AFTPH: variants seen among roughly 807,000 people sequenced by gnomAD.
The protein encoded by AFTPH is aftiphilin.
In AFTPH, 7 loss-of-function variants were observed where a neutral mutation model predicts 72.5. That is an observed-to-expected ratio of 0.10 (90% CI 0.05 to 0.18). The LOEUF (loss-of-function observed/expected upper bound fraction) is 0.18, where lower values mean the gene tolerates loss of function less well. Among genes scored for constraint, AFTPH ranks in the 10% least tolerant of loss-of-function variants. The pLI is 1.00. For missense variants in AFTPH, 979 were observed against 1,060.5 expected, an observed-to-expected ratio of 0.92 and a Z score of 1.07; for synonymous variants, 337 against 370.1, an observed-to-expected ratio of 0.91 and a Z score of 1.03.
chr2:64,575,543 G>A (rs1014449702), intron 6 of AFTPH, among the ~76,000 whole-genome samples: 7 of 151,950 alleles, frequency 4.6e-5, no homozygotes, highest in Admixed American at 6.6e-5. Context: ...CTTGAGCTCA[G>A]AAGCTTGAGG....
rs11395165 is a variant in AFTPH, at chr2:64,583,316, T to TAAAA, written c.2456-2095_2456-2092dup. Among the ~76,000 whole-genome samples the TAAAA allele has an allele frequency of 1.5e-3, 209 of 141,932 alleles. 1 individual carries two copies. The highest frequency in any genetic ancestry group is 3.6e-3 in the Middle Eastern group (1 of 280). The allele number at this position is 141,932 out of a possible 152,430, so 93.1% of individuals were successfully genotyped here. On this transcript the variant is annotated intron_variant, in intron 7 of 8. Coordinates refer to ENST00000238856, the Ensembl canonical transcript of AFTPH. ...AAACCATGCCTCATTAAGGCTCTGT[T>TAAAA]AAAAAAAAAAAAAAGACCTTCCATT...
chr2:64,549,959 C>T (rs549993844), intron 1 of AFTPH, among the ~76,000 whole-genome samples: 4 of 152,176 alleles, frequency 2.6e-5, no homozygotes, highest in African/African-American at 9.6e-5. Context: ...TCTTCATCTT[C>T]GTGAAAAAAT....
chr2:64,590,217 G>C (rs1215100488), intron 8 of AFTPH, among the ~76,000 whole-genome samples: 2 of 152,152 alleles, frequency 1.3e-5, no homozygotes, highest in Non-Finnish European at 2.9e-5. Flanking sequence ...CTTATTAACA[G>C]TAGCTTATAT....
At chr2:64,536,421 A>T (rs1669886476) in intron 1 of AFTPH, among the ~76,000 whole-genome samples, 1 of 151,656 alleles carries the variant, frequency 6.6e-6, no homozygotes, top group South Asian at 2.1e-4. Context: ...AAAAAATTAG[A>T]TGGGCATGGT....
At chr2:64,537,987 A>G (rs1265693851) in intron 1 of AFTPH, among the ~76,000 whole-genome samples, 1 of 152,232 alleles carries the variant, frequency 6.6e-6, no homozygotes, top group Non-Finnish European at 1.5e-5. Context: ...TATACTTTAT[A>G]TTAAAACCTA....
chr2:64,574,464 T>C (rs905290457), intron 6 of AFTPH, among the ~76,000 whole-genome samples: 6 of 152,226 alleles, frequency 3.9e-5, no homozygotes, highest in African/African-American at 1.4e-4. Flanking sequence ...TCAAATTTAC[T>C]TGGCCACAGG....
chr2:64,528,027 A>C (rs1056023388), intron 1 of AFTPH, among the ~76,000 whole-genome samples: 1 of 152,232 alleles, frequency 6.6e-6, no homozygotes, highest in African/African-American at 2.4e-5. Context: ...ATAATGATTT[A>C]AGACTCCATC....
chr2:64,590,946 G>T (rs915792983), intron 8 of AFTPH, among the ~76,000 whole-genome samples: 6 of 152,272 alleles, frequency 3.9e-5, no homozygotes, highest in African/African-American at 1.4e-4. Context: ...AAGAATACCA[G>T]CTATCCTTTA....
intron 1 of AFTPH, among the ~76,000 whole-genome samples, chr2:64,541,092 A>G (rs1670224537): frequency 1.3e-5 from 2 of 152,024 alleles, no homozygotes; most frequent in African/African-American, 2.4e-5. Flanking sequence ...AACCTCTTTG[A>G]GCTTTTATTT....
intron 7 of AFTPH, among the ~76,000 whole-genome samples, chr2:64,583,314 G>GT (rs1366070550): frequency 2.1e-5 from 2 of 97,134 alleles, no homozygotes; most frequent in African/African-American, 8.3e-5. Context: ...TTAAGGCTCT[G>GT]TTAAAAAAAA....
At chr2:64,585,705 T>C (rs1417273118) in intron 8 of AFTPH, among the ~76,000 whole-genome samples, 160 bp downstream of exon 9, 2 of 152,196 alleles carry the variant, frequency 1.3e-5, no homozygotes, top group African/African-American at 4.8e-5. Flanking sequence ...TCAAATTATG[T>C]TTAATTATGA....
At chr2:64,554,023 G>A (rs1333827109) in intron 2 of AFTPH, among the ~76,000 whole-genome samples, 2 of 151,986 alleles carry the variant, frequency 1.3e-5, no homozygotes, top group African/African-American at 4.8e-5. Flanking sequence ...AAAGACTTGG[G>A]GTGAGGGTAT....
chr2:64,526,335 T>C (rs1423092986), intron 1 of AFTPH, among the ~76,000 whole-genome samples: 5 of 152,224 alleles, frequency 3.3e-5, no homozygotes. Flanking sequence ...TTGTGTGAAA[T>C]CTAAAGTGCT....
intron 1 of AFTPH, among the ~76,000 whole-genome samples, chr2:64,549,179 G>A (rs1670862954): frequency 6.6e-6 from 1 of 152,084 alleles, no homozygotes; most frequent in Non-Finnish European, 1.5e-5. Context: ...AGTCTAGCTT[G>A]CAAAACTGGT....
chr2:64,572,501 T>C (rs1672499341), intron 5 of AFTPH, among the ~76,000 whole-genome samples: 1 of 152,174 alleles, frequency 6.6e-6, no homozygotes, highest in Admixed American at 6.5e-5. Flanking sequence ...GTGTTGGATT[T>C]TTAGAGGTTA....
intron 1 of AFTPH, among the ~76,000 whole-genome samples, chr2:64,541,648 A>G (rs183080555): frequency 6.4e-4 from 97 of 152,326 alleles, no homozygotes; most frequent in African/African-American, 2.2e-3. Flanking sequence ...ACATTTTGAT[A>G]TGACCTTAAA....
chr2:64,586,760 T>G (rs1673542349), intron 8 of AFTPH, among the ~76,000 whole-genome samples: 1 of 152,238 alleles, frequency 6.6e-6, no homozygotes, highest in Non-Finnish European at 1.5e-5. Flanking sequence ...ATGAACCTAC[T>G]TGTAAATGTG....
chr2:64,585,003 G>A (rs1278598422), intron 7 of AFTPH, among the ~76,000 whole-genome samples: 1 of 152,126 alleles, frequency 6.6e-6, no homozygotes, highest in Non-Finnish European at 1.5e-5. Context: ...AAGGAGGTGA[G>A]GAAACAGGAA....
chr2:64,551,697 G>A, exon 2 of AFTPH: 1 of 1,613,960 alleles, frequency 6.2e-7, no homozygotes, highest in Non-Finnish European at 8.5e-7. Flanking sequence ...CTCAGAAAAT[G>A]TAGATAGCCT....
Sources: allele counts gnomAD v4.1 joint callset (sites outside exome capture counted in the v4.1 genomes callset), GRCh38; gene constraint gnomAD v4.1.1; transcripts MANE v1.5; gene names NCBI Gene and HGNC (gene_info 2026-07-23, HGNC 2026-07-21).